FBXL2: variants seen among roughly 807,000 people sequenced by gnomAD.
FBXL2 encodes F-box and leucine rich repeat protein 2, also known as F-box/LRR-repeat protein 2.
FBXL2 carries 38 observed loss-of-function variants against 69.2 expected under a neutral mutation model. The ratio of observed to expected loss-of-function variants is 0.55; its 90% CI spans 0.42 to 0.72. FBXL2 has a LOEUF of 0.72. Ranked by LOEUF, FBXL2 falls within the 30% of genes least tolerant of loss-of-function variation. The pLI, the probability that FBXL2 is intolerant of heterozygous loss-of-function variation, is 0.00. For synonymous variants in FBXL2, 192 were observed against 201.3 expected (o/e 0.95, Z 0.39); for missense variants, 354 against 520.3 (o/e 0.68, Z 3.11).
At chr3:33,277,327 C>T (rs976833877), upstream of FBXL2, 3 of 449,400 alleles carry the variant, frequency 6.7e-6, no homozygotes, top group Non-Finnish European at 7.3e-6. Context: ...GTTCCAGGGC[C>T]GGGGGCGAGG....
At chr3:33,364,817 T>G (rs542801731) in intron 5 of FBXL2, 98 bp downstream of exon 5, 1 of 1,093,496 alleles carries the variant, frequency 9.1e-7, no homozygotes, top group South Asian at 1.3e-5. Flanking sequence ...CTGTTAAAAT[T>G]CTTTCTGTGG....
intron 1 of FBXL2, among the ~76,000 whole-genome samples, chr3:33,294,835 C>G (rs1170242308): frequency 2.0e-5 from 3 of 148,778 alleles, no homozygotes; most frequent in African/African-American, 7.5e-5. Context: ...AGAGTGAGAC[C>G]CTGTTTCCAA....
At chr3:33,327,320 G>A (rs2038774957) in intron 2 of FBXL2, among the ~76,000 whole-genome samples, 1 of 152,020 alleles carries the variant, frequency 6.6e-6, no homozygotes, top group African/African-American at 2.4e-5. Context: ...GGTCTGCATA[G>A]GTCTGAAACT....
chr3:33,353,926 AAG>A (rs1383582079), intron 2 of FBXL2, among the ~76,000 whole-genome samples: 7 of 152,106 alleles, frequency 4.6e-5, no homozygotes, highest in African/African-American at 1.7e-4. Flanking sequence ...GTTCATGAGA[AAG>A]AGAGGAGGGA....
chr3:33,344,417 A>G (rs534705052), intron 2 of FBXL2, among the ~76,000 whole-genome samples: 64 of 152,264 alleles, frequency 4.2e-4, no homozygotes, highest in African/African-American at 1.5e-3. Context: ...TTTGCATACT[A>G]ACATTATAAA....
chr3:33,305,521 C>T (rs1053676331), intron 2 of FBXL2, among the ~76,000 whole-genome samples: 2 of 151,826 alleles, frequency 1.3e-5, no homozygotes, highest in Non-Finnish European at 2.9e-5. Flanking sequence ...ATTTATTTCT[C>T]ATACTATCTT....
At chr3:33,286,029 G>A (rs2125682941) in intron 1 of FBXL2, among the ~76,000 whole-genome samples, 1 of 152,304 alleles carries the variant, frequency 6.6e-6, no homozygotes, top group East Asian at 1.9e-4. Context: ...ATCATCTGAA[G>A]CCTTCTTCTC....
intron 4 of FBXL2, among the ~76,000 whole-genome samples, chr3:33,360,546 C>G (rs1236583316): frequency 6.6e-6 from 1 of 152,138 alleles, no homozygotes; most frequent in East Asian, 1.9e-4. Flanking sequence ...TCACGCCCAT[C>G]CTGGAAAGAT....
chr3:33,412,844 G>A, the FBXL2 span: 1 of 1,555,594 alleles, frequency 6.4e-7, no homozygotes. Context: ...AATAAGTGCG[G>A]AAAATGAGTA....
At chr3:33,322,332 C>T (rs530367324) in intron 2 of FBXL2, among the ~76,000 whole-genome samples, 13 of 151,940 alleles carry the variant, frequency 8.6e-5, no homozygotes, top group Non-Finnish European at 1.8e-4. Flanking sequence ...CCCACCTCGG[C>T]CTCCAAAAGT....
chr3:33,344,836 G>A (rs1039693198), intron 2 of FBXL2, among the ~76,000 whole-genome samples: 6 of 152,006 alleles, frequency 3.9e-5, no homozygotes, highest in African/African-American at 1.5e-4. Flanking sequence ...AAGAAAGAAG[G>A]CACAAATAAC....
At chr3:33,396,839 CT>C (rs2044016127) in intron 12 of FBXL2, 2 of 682,036 alleles carry the variant, frequency 2.9e-6, no homozygotes, top group Non-Finnish European at 5.4e-6. Flanking sequence ...TACAGTCTAC[CT>C]CTGCCCTCAT....
At position 33,318,342 on chromosome 3, in the gene FBXL2, C is replaced by CT. The variant is rs2037891258; in HGVS notation, c.65+20618dup. On this transcript the variant is annotated intron_variant, in intron 2 of 14. Transcript: ENST00000484457. The stretch of plus-strand genomic sequence containing the variant: ...TTGACTTTTCTAACAATCTGAGGCT[C>CT]TAAGTTTCTCTTTTCTCTTCCCTTT... Among the ~76,000 whole-genome samples the CT allele has an allele frequency of 3.9e-5, 6 of 152,248 alleles. No individual in the cohort carries two copies. The South Asian group carries it at 1.2e-3, about 32-fold the overall frequency.
chr3:33,369,981 C>CAG (rs2042185375), intron 5 of FBXL2, among the ~76,000 whole-genome samples: 1 of 152,174 alleles, frequency 6.6e-6, no homozygotes, highest in Non-Finnish European at 1.5e-5. Flanking sequence ...TCATTCCTTT[C>CAG]TGTAGACACA....
intron 12 of FBXL2, among the ~76,000 whole-genome samples, chr3:33,393,647 G>C (rs1269720140): frequency 1.3e-5 from 2 of 152,024 alleles, no homozygotes; most frequent in African/African-American, 2.4e-5. Flanking sequence ...AATCTAAAAC[G>C]TAAGAATACA....
chr3:33,382,006 GCCA>G (rs2043098003), intron 13 of FBXL2, among the ~76,000 whole-genome samples: 1 of 152,142 alleles, frequency 6.6e-6, no homozygotes, highest in Non-Finnish European at 1.5e-5. Context: ...TAGTTACATA[GCCA>G]GTAGTTCTAG....
At chr3:33,372,507 G>A (rs1377409006) in intron 5 of FBXL2, 2 of 157,994 alleles carry the variant, frequency 1.3e-5, no homozygotes, top group Non-Finnish European at 2.8e-5. Context: ...GGTGAATAGG[G>A]CGTTTTAATG....
intron 2 of FBXL2, among the ~76,000 whole-genome samples, chr3:33,346,878 T>A (rs1209892289): frequency 6.6e-6 from 1 of 152,174 alleles, no homozygotes; most frequent in Non-Finnish European, 1.5e-5. Flanking sequence ...ATGGGGTATA[T>A]GAGATACTTT....
chr3:33,364,464 T>C (rs1414094405), intron 4 of FBXL2, 161 bp from the exon 5 acceptor site: 7 of 659,904 alleles, frequency 1.1e-5, no homozygotes, highest in Non-Finnish European at 1.9e-5. Flanking sequence ...GCAGCCCCTG[T>C]ATGCATTAAG....
Sources: allele counts gnomAD v4.1 joint callset (sites outside exome capture counted in the v4.1 genomes callset), GRCh38; gene constraint gnomAD v4.1.1; transcripts MANE v1.5; gene names NCBI Gene and HGNC (gene_info 2026-07-23, HGNC 2026-07-21).